The following BOK variants were observed in gnomAD, a reference collection of about 807,000 sequenced individuals.
The protein encoded by BOK is bcl-2-related ovarian killer protein.
In BOK, 20 loss-of-function variants were observed where a neutral mutation model predicts 18.3. That is an observed-to-expected ratio of 1.09 (90% CI 0.77 to 1.59). The LOEUF (loss-of-function observed/expected upper bound fraction) is 1.59. Among genes scored for constraint, BOK ranks in the 40% most tolerant of loss-of-function variants. The pLI, the probability that BOK is intolerant of heterozygous loss-of-function variation, is 0.00. For missense variants in BOK, 348 were observed against 307.9 expected (o/e 1.13, Z -0.97); for synonymous variants, 173 against 142.4 (o/e 1.21, Z -1.53).
intron 3 of BOK, among the ~76,000 whole-genome samples, chr2:241,563,200 G>A (rs1040064055): frequency 6.6e-6 from 1 of 152,180 alleles, no homozygotes; most frequent in African/African-American, 2.4e-5. Context: ...TAGGCCCACG[G>A]GAGGCTTAGG....
Position 241,559,669 on chromosome 2 carries a change from C to T in BOK, c.186C>T (p.Arg62=), listed in dbSNP as rs2066496455. 2 of 1,377,380 alleles carry T rather than the reference C, an allele frequency of 1.5e-6. No individual in the cohort carries two copies. Among genetic ancestry groups the T allele is most frequent in the African/African-American group, 1.5e-5 (1 of 65,728 alleles). 85.3% of individuals were successfully genotyped at this position (1,377,380 alleles called of 1,614,324 possible). Residue 62 remains arginine, a synonymous_variant, in exon 2 of 5, where the codon CGC becomes CGT. Coordinates refer to ENST00000318407, the MANE Select transcript of BOK (RefSeq NM_032515.5). ...APERAAPVPG[R]LAEVCAVLLR... ...AGCGTGCCGCGCCGGTCCCGGGACG[C>T]CTGGCTGAGGTGTGCGCGGTGCTGC...
At chr2:241,569,154 G>T (rs1028942290) in intron 3 of BOK, among the ~76,000 whole-genome samples, 1 of 152,104 alleles carries the variant, frequency 6.6e-6, no homozygotes, top group African/African-American at 2.4e-5. Context: ...ATTTAGAGAC[G>T]GGGTCTCGCT....
intron 4 of BOK, 134 bp downstream of exon 4, chr2:241,570,422 C>T (rs1272110036): frequency 9.6e-5 from 11 of 114,156 alleles, no homozygotes; most frequent in Non-Finnish European, 1.1e-4. Context: ...TACAGACGTA[C>T]GGGAGGGAGT....
intron 3 of BOK, among the ~76,000 whole-genome samples, chr2:241,564,456 GGGTGGGGGGCCGGGCC>G (rs2066579162): frequency 6.6e-6 from 1 of 152,026 alleles, no homozygotes; most frequent in Admixed American, 6.6e-5. Flanking sequence ...TGGCAGCTGA[GGGTGGGGGGCCGGGCC>G]CAGGCCAGGC....
At chr2:241,560,345 G>A in intron 2 of BOK, 2 of 947,942 alleles carry the variant, frequency 2.1e-6, no homozygotes, top group Non-Finnish European at 2.5e-6. Context: ...CCGTCACCTG[G>A]GAATGTTTAT....
rs368464201 is a variant in BOK, at chr2:241,570,221, T to C, written c.446T>C (p.Leu149Pro). Residue 149 changes from leucine to proline, a missense_variant, in exon 4 of 5, where the codon CTC (leucine) becomes CCC (proline). By Grantham distance (98) the Leu-to-Pro change is moderately conservative (BLOSUM62 -3). Transcript: ENST00000318407. ...RQAQPAMVHALVDCLGEFVRK... is the reference protein window; with the variant it reads ...RQAQPAMVHAPVDCLGEFVRK... ...GCCCAGCCTGCCATGGTCCACGCCC[T>C]CGTGGACTGCCTGGGGGAGTTCGTG... 159 of 1,602,304 alleles carry C rather than the reference T, an allele frequency of 9.9e-5. No individual in the cohort carries two copies. Among genetic ancestry groups the C allele is most frequent in the Non-Finnish European group, 1.3e-4 (155 of 1,176,106 alleles).
rs370022649 is a variant in BOK, at chr2:241,562,442, G to A, written c.315G>A (p.Ala105=). The A allele has an allele frequency of 2.9e-5, 46 of 1,611,966 alleles. No individual in the cohort carries two copies. The highest frequency in any genetic ancestry group is 1.7e-4 in the Middle Eastern group (1 of 6,054). Residue 105 remains alanine, a synonymous_variant, in exon 3 of 5, where the codon GCG becomes GCA. Transcript: ENST00000318407. The surrounding 1 kb of genome is among the most constrained non-coding windows in gnomAD (Gnocchi z 4.5). ...SLQSEPVVTD[A]FLAVAGHIFS... is the part of the protein sequence containing the mutation. ...AGTCTGAGCCTGTGGTGACCGATGC[G>A]TTCCTGGCCGTGGCTGGCCACATCT...
At chr2:241,565,162 C>T (rs1304497886) in intron 3 of BOK, among the ~76,000 whole-genome samples, 1 of 152,120 alleles carries the variant, frequency 6.6e-6, no homozygotes, top group Non-Finnish European at 1.5e-5. Flanking sequence ...AAACCGGAGC[C>T]CACTCCCCTG....
upstream of BOK, among the ~76,000 whole-genome samples, chr2:241,558,145 T>TA (rs1256673679): frequency 2.0e-5 from 3 of 151,718 alleles, no homozygotes; most frequent in Non-Finnish European, 4.4e-5. Flanking sequence ...ATGATGCTTT[T>TA]CAATAAATGA....
intron 3 of BOK, among the ~76,000 whole-genome samples, chr2:241,564,585 C>T (rs1406485509): frequency 6.6e-6 from 1 of 151,900 alleles, no homozygotes; most frequent in Non-Finnish European, 1.5e-5. Flanking sequence ...GGGCAGGGGG[C>T]AGGGTTCACG....
Position 241,558,981 on chromosome 2 carries a change from T to C in BOK, c.-42T>C, listed in dbSNP as rs1198013727. ...GAACTCCACCCCGGCGCCCGCGCCA[T>C]GCGGCGGGAGAGGTGAGCGCGGCGG... On this transcript the variant is annotated 5_prime_UTR_variant, in exon 1 of 5. The change abolishes an upstream ATG in the 5' untranslated region. Transcript: ENST00000318407. 2 of 151,044 alleles carry C rather than the reference T, an allele frequency of 1.3e-5. No homozygotes were observed. The highest frequency in any genetic ancestry group is 2.4e-5 in the African/African-American group (1 of 41,156). 9.4% of individuals were successfully genotyped at this position (151,044 alleles called of 1,614,324 possible).
chr2:241,569,939 G>A (rs891551183), intron 3 of BOK, among the ~76,000 whole-genome samples, 186 bp from the exon 4 acceptor site: 5 of 152,190 alleles, frequency 3.3e-5, no homozygotes, highest in Admixed American at 1.3e-4. Flanking sequence ...AGTGGAGGCC[G>A]AGAAACCTGC....
At chr2:241,553,591 G>A (rs1268569381) in intron 1 of BOK, among the ~76,000 whole-genome samples, 3 of 152,314 alleles carry the variant, frequency 2.0e-5, no homozygotes, top group Non-Finnish European at 2.9e-5. Flanking sequence ...CTTACGAGGC[G>A]GAAGGAGGAA....
In BOK at chr2:241,562,420, C is replaced by A. The variant is rs142111641; in HGVS notation, c.293C>A (p.Ser98Tyr). 3 of 1,612,318 alleles carry A rather than the reference C, an allele frequency of 1.9e-6. No individual in the cohort carries two copies. In the African/African-American group the frequency reaches 4.0e-5, roughly 22 times the overall value. Residue 98 changes from serine (S) to tyrosine (Y), a missense_variant, in exon 3 of 5, where the codon TCT becomes TAT. By Grantham distance (144) the Ser-to-Tyr change is moderately radical. Coordinates refer to ENST00000318407, the MANE Select transcript of BOK (RefSeq NM_032515.5). The surrounding 1 kb of genome is among the most constrained non-coding windows in gnomAD (Gnocchi z 4.5). ...CGTCAGCTGCACATCTCCCTGCAGT[C>A]TGAGCCTGTGGTGACCGATGCGTTC... is the stretch of plus-strand genomic sequence containing the variant. ...VARQLHISLQ[S>Y]EPVVTDAFLA...
chr2:241,562,259 G>C lies in BOK; in HGVS notation c.221-89G>C. Reference sequence around the variant, plus strand: ...GCTGGAATTCAAGCATGGTCAGGTGGGGGTCAGGTGCAGGGTGTGCCCCAA... The same window carrying C: ...GCTGGAATTCAAGCATGGTCAGGTGCGGGTCAGGTGCAGGGTGTGCCCCAA... On this transcript the variant is annotated intron_variant, in intron 2 of 4. Transcript: ENST00000318407. This position sits in a 1 kb window ranked among gnomAD's most constrained non-coding sequence, Gnocchi z 4.5. 1 of 1,461,270 alleles carries C rather than the reference G, an allele frequency of 6.8e-7. No individual in the cohort carries two copies. Among genetic ancestry groups the C allele is most frequent in the South Asian group, 1.3e-5 (1 of 74,124 alleles). 90.5% of individuals were successfully genotyped at this position (1,461,270 alleles called of 1,614,324 possible).
chr2:241,559,741 T>C (rs2066497617), intron 2 of BOK, 38 bp downstream of exon 2: 1 of 1,280,972 alleles, frequency 7.8e-7, no homozygotes, highest in Non-Finnish European at 9.8e-7. Flanking sequence ...CTGCGCCTCC[T>C]CCCCTGCTGG....
At chr2:241,560,014 C>A in intron 2 of BOK, 1 of 936,304 alleles carries the variant, frequency 1.1e-6, no homozygotes, top group Non-Finnish European at 1.3e-6. Context: ...TTGTTCTCAG[C>A]TGGGCACAGA....
chr2:241,567,976 G>A (rs75616831), intron 3 of BOK, among the ~76,000 whole-genome samples: 1,522 of 152,040 alleles, frequency 0.01, 54 homozygotes, highest in Admixed American at 0.068. Flanking sequence ...GTGAGCCTGC[G>A]TCCCAGCTCT....
rs766609597 is a variant in BOK at position 241,573,307 on chromosome 2, C to G, written c.*885C>G. 1 of 141,536 alleles carries G rather than the reference C, an allele frequency of 7.1e-6. No individual in the cohort carries two copies. Among genetic ancestry groups the G allele is most frequent in the Non-Finnish European group, 1.6e-5 (1 of 62,870 alleles). The allele number at this position is 141,536 out of a possible 1,614,324, so 8.8% of individuals were successfully genotyped here. A position where few individuals can be genotyped will look rare whatever the true frequency, so the allele number is the denominator to read the frequency against. On this transcript the variant is annotated 3_prime_UTR_variant, in exon 5 of 5. Transcript: ENST00000318407. ...TCACCTGAGCCCCAGGTGAAGGGGCCCGGAACACCTCCTGTCACCTGAGCC... is the reference window on the plus strand; with the variant it reads ...TCACCTGAGCCCCAGGTGAAGGGGCGCGGAACACCTCCTGTCACCTGAGCC...
Sources: gnomAD v4.1 joint callset for allele counts (sites outside exome capture counted in the v4.1 genomes callset) on GRCh38, gnomAD v4.1.1 for gene constraint, Gnocchi (gnomAD v3.1) non-coding constraint, MANE v1.5 for transcripts, NCBI Gene and HGNC (gene_info 2026-07-23, HGNC 2026-07-21) for gene names.